The following VTI1A variants were observed in gnomAD, a reference collection of about 807,000 sequenced individuals.
The protein encoded by VTI1A is vesicle transport through interaction with t-SNAREs 1A, also known as vesicle transport through interaction with t-SNAREs homolog 1A.
VTI1A carries 22 observed loss-of-function variants against 34.9 expected under a neutral mutation model. The observed-to-expected ratio is 0.63, with a 90% CI of 0.45 to 0.90. The LOEUF (loss-of-function observed/expected upper bound fraction) is 0.90. VTI1A is among the 40% of genes least tolerant of loss of function. VTI1A has a pLI of 0.00. For missense variants in VTI1A, 268 were observed against 275.6 expected, an observed-to-expected ratio of 0.97 and a Z score of 0.20; for synonymous variants, 87 against 97.3, an observed-to-expected ratio of 0.89 and a Z score of 0.62.
At chr10:112,786,010 C>CA (rs376764375) in intron 7 of VTI1A, among the ~76,000 whole-genome samples, 5 of 150,392 alleles carry the variant, frequency 3.3e-5, no homozygotes, top group Admixed American at 2.7e-4. Flanking sequence ...ACCGCCCCCC[C>CA]AAAAAAAAAT....
chr10:112,552,809 T>C (rs1453862283), intron 5 of VTI1A, among the ~76,000 whole-genome samples: 1 of 152,234 alleles, frequency 6.6e-6, no homozygotes, highest in Non-Finnish European at 1.5e-5. Flanking sequence ...TATAGTTCTT[T>C]AAATTCATAC....
At chr10:112,538,142 C>T (rs1850717385) in intron 4 of VTI1A, 104 bp from the exon 5 acceptor site, 2 of 915,418 alleles carry the variant, frequency 2.2e-6, no homozygotes, top group Admixed American at 2.4e-5. Flanking sequence ...TTGCGAACCC[C>T]CCCACCCCAT....
chr10:112,615,020 G>C (rs987714326), intron 5 of VTI1A, among the ~76,000 whole-genome samples: 6 of 152,014 alleles, frequency 3.9e-5, no homozygotes, highest in Non-Finnish European at 5.9e-5. Context: ...ATGGAATTCA[G>C]ATTTCCCAAA....
At chr10:112,807,226 A>G (rs1217112241) in intron 7 of VTI1A, among the ~76,000 whole-genome samples, 1 of 152,204 alleles carries the variant, frequency 6.6e-6, no homozygotes, top group African/African-American at 2.4e-5. Context: ...CACCAGCTCC[A>G]TATGCTGGTC....
At chr10:112,745,773 A>T (rs1346598569) in intron 7 of VTI1A, among the ~76,000 whole-genome samples, 1 of 152,206 alleles carries the variant, frequency 6.6e-6, no homozygotes, top group Non-Finnish European at 1.5e-5. Context: ...AAGTGAACAT[A>T]TTGCTAAGAC....
intron 5 of VTI1A, among the ~76,000 whole-genome samples, chr10:112,592,310 C>T (rs1461712321): frequency 6.6e-6 from 1 of 152,180 alleles, no homozygotes; most frequent in African/African-American, 2.4e-5. Context: ...TTTTAAGCCA[C>T]CGAGCTTTTG....
intron 7 of VTI1A, among the ~76,000 whole-genome samples, chr10:112,670,134 A>T (rs1170698429): frequency 1.3e-5 from 2 of 152,146 alleles, no homozygotes; most frequent in Non-Finnish European, 1.5e-5. Context: ...GTAGCAATTG[A>T]AAGGAATGCT....
intron 5 of VTI1A, among the ~76,000 whole-genome samples, chr10:112,662,298 T>C (rs1346557750): frequency 6.6e-6 from 1 of 152,214 alleles, no homozygotes; most frequent in African/African-American, 2.4e-5. Flanking sequence ...ATAACATGTA[T>C]GTAAGACCAC....
At chr10:112,614,779 T>C (rs1283783415) in intron 5 of VTI1A, among the ~76,000 whole-genome samples, 1 of 152,130 alleles carries the variant, frequency 6.6e-6, no homozygotes, top group Non-Finnish European at 1.5e-5. Flanking sequence ...CAGATACTGG[T>C]CACAAGGCAC....
At chr10:112,669,143 A>G (rs371946433) in intron 7 of VTI1A, 145 bp downstream of exon 7, 2 of 819,708 alleles carry the variant, frequency 2.4e-6, no homozygotes, top group African/African-American at 3.5e-5. Context: ...ATAACAGAGC[A>G]CTGATGTTAA....
Position 112,811,712 on chromosome 10 carries a change from A to AAAAAAAT in VTI1A, c.561-3578_561-3577insAAAAAAT, listed in dbSNP as rs67154330. Among the ~76,000 whole-genome samples, 14 of 84,060 alleles carry AAAAAAAT rather than the reference A, an allele frequency of 1.7e-4. 4 individuals are homozygous for AAAAAAAT. Among genetic ancestry groups the AAAAAAAT allele is most frequent in the African/African-American group, 4.7e-4 (10 of 21,060 alleles). The allele number at this position is 84,060 out of a possible 152,430, so 55.1% of individuals were successfully genotyped here. A position where few individuals can be genotyped will look rare whatever the true frequency, so the allele number is the denominator to read the frequency against. On this transcript the variant is annotated intron_variant, in intron 7 of 7. Transcript: ENST00000393077. ...AAAAAAAAAAAAAAAAAAAAAAAAA[A>AAAAAAAT]GAGTGCAGTCCATGCCTGGAAGTAG...
intron 3 of VTI1A, among the ~76,000 whole-genome samples, chr10:112,485,947 A>G (rs1204791862): frequency 1.3e-5 from 2 of 152,150 alleles, no homozygotes; most frequent in East Asian, 3.8e-4. Context: ...TGATTTTTAA[A>G]TGTTTTTTTC....
intron 5 of VTI1A, among the ~76,000 whole-genome samples, chr10:112,651,591 A>T (rs1251173070): frequency 2.0e-5 from 3 of 152,304 alleles, no homozygotes; most frequent in Non-Finnish European, 4.4e-5. Context: ...TTACAGGCGT[A>T]AGCCACCGTG....
chr10:112,842,523 C>G, the VTI1A span, among the ~76,000 whole-genome samples: 2 of 152,244 alleles, frequency 1.3e-5, no homozygotes, highest in African/African-American at 4.8e-5. Context: ...CCAGCCCCAG[C>G]TCTGGGACTA....
intron 7 of VTI1A, among the ~76,000 whole-genome samples, chr10:112,700,117 C>CAAAAAAAAAAAAAAAAA (rs1201699870): frequency 2.5e-5 from 1 of 40,428 alleles, no homozygotes; most frequent in Non-Finnish European, 5.8e-5. Context: ...GACTCCATCT[C>CAAAAAAAAAAAAAAAAA]AAAAAAAAAA....
intron 4 of VTI1A, among the ~76,000 whole-genome samples, chr10:112,536,219 ATGAACCAAAG>A (rs72212049): frequency 0.044 from 6,703 of 152,266 alleles, 647 homozygotes; most frequent in East Asian, 0.41. Flanking sequence ...CAATATGAAA[ATGAACCAAAG>A]ATATTTGTTG....
chr10:112,459,536 A>G (rs933493833), intron 1 of VTI1A, among the ~76,000 whole-genome samples: 2 of 152,220 alleles, frequency 1.3e-5, no homozygotes, highest in African/African-American at 2.4e-5. Flanking sequence ...CTGTGACTGA[A>G]GAAGCAGAGT....
chr10:112,576,525 A>G (rs977891550), intron 5 of VTI1A, among the ~76,000 whole-genome samples: 1 of 152,236 alleles, frequency 6.6e-6, no homozygotes, highest in Non-Finnish European at 1.5e-5. Flanking sequence ...AAAATTTCCA[A>G]GTGGAAGTTG....
intron 7 of VTI1A, among the ~76,000 whole-genome samples, chr10:112,787,891 G>A (rs915591125): frequency 8.6e-5 from 13 of 150,710 alleles, no homozygotes; most frequent in African/African-American, 1.2e-4. Flanking sequence ...TAGTAGAGAC[G>A]GGGTTTCACC....
Sources: gnomAD v4.1 joint callset for allele counts (sites outside exome capture counted in the v4.1 genomes callset) on GRCh38, gnomAD v4.1.1 for gene constraint, MANE v1.5 for transcripts, NCBI Gene and HGNC (gene_info 2026-07-23, HGNC 2026-07-21) for gene names.